Variants in MGLL observed in about 807,000 individuals in gnomAD.
MGLL encodes lysophospholipase homolog.
Under a neutral mutation model 29.1 loss-of-function variants are expected in MGLL, and 7 were observed. That is an observed-to-expected ratio of 0.24 (90% CI 0.14 to 0.45). The LOEUF (loss-of-function observed/expected upper bound fraction) is 0.45, where lower values mean the gene tolerates loss of function less well. Among genes scored for constraint, MGLL ranks in the 20% least tolerant of loss-of-function variants. The pLI is 0.99. For synonymous variants in MGLL, 148 were observed against 168.3 expected, an observed-to-expected ratio of 0.88 and a Z score of 0.93; for missense variants, 356 against 413.6, an observed-to-expected ratio of 0.86 and a Z score of 1.21.
chr3:127,730,566 T>G (rs924350130), intron 3 of MGLL, among the ~76,000 whole-genome samples: 1 of 152,240 alleles, frequency 6.6e-6, no homozygotes, highest in East Asian at 1.9e-4. Flanking sequence ...TAAATGCAGG[T>G]GCAGCTTCCG....
chr3:127,721,219 T>A (rs2075914829), intron 4 of MGLL, 56 bp from the exon 5 acceptor site: 2 of 1,471,628 alleles, frequency 1.4e-6, no homozygotes, highest in Non-Finnish European at 1.9e-6. Context: ...TGCACACATT[T>A]CTAATAAACA....
intron 5 of MGLL, chr3:127,715,667 G>A (rs781607877): frequency 6.6e-6 from 3 of 456,554 alleles, no homozygotes; most frequent in South Asian, 1.5e-5. Context: ...AAAGCAGAAC[G>A]GTTGAGCAGG....
At chr3:127,799,092 T>C (rs2077433689) in intron 2 of MGLL, among the ~76,000 whole-genome samples, 2 of 152,188 alleles carry the variant, frequency 1.3e-5, no homozygotes, top group African/African-American at 4.8e-5. Flanking sequence ...CGAGGACACA[T>C]TCTTAGGACA....
chr3:127,755,003 TG>T (rs1217100920), intron 3 of MGLL, among the ~76,000 whole-genome samples: 1 of 151,056 alleles, frequency 6.6e-6, no homozygotes, highest in Non-Finnish European at 1.5e-5. Context: ...CACGAGATGG[TG>T]GGGGTGTTTT....
At chr3:127,808,512 G>A (rs1032122593) in intron 2 of MGLL, among the ~76,000 whole-genome samples, 2 of 152,184 alleles carry the variant, frequency 1.3e-5, no homozygotes, top group African/African-American at 4.8e-5. Flanking sequence ...CACTGTAGCT[G>A]GGGAGAATGT....
intron 3 of MGLL, among the ~76,000 whole-genome samples, chr3:127,728,178 C>A (rs1009124098): frequency 6.6e-6 from 1 of 152,168 alleles, no homozygotes; most frequent in Admixed American, 6.5e-5. Context: ...AAAATTCATC[C>A]AGTGAAGTCT....
chr3:127,709,461 C>T (rs2075667184), intron 6 of MGLL, among the ~76,000 whole-genome samples: 2 of 152,130 alleles, frequency 1.3e-5, no homozygotes, highest in Non-Finnish European at 2.9e-5. Context: ...AGTCTCTTTC[C>T]TACACACCAC....
At chr3:127,736,035 C>G in intron 3 of MGLL, 7 of 1,374,794 alleles carry the variant, frequency 5.1e-6, no homozygotes, top group Non-Finnish European at 6.6e-6. Flanking sequence ...TTTTTATTTT[C>G]CCTTGAAAAC....
At chr3:127,742,203 C>T (rs1359458121) in intron 3 of MGLL, among the ~76,000 whole-genome samples, 2 of 152,158 alleles carry the variant, frequency 1.3e-5, no homozygotes, top group Admixed American at 6.5e-5. Flanking sequence ...CTTGTCAGCA[C>T]GGGAGTTACC....
chr3:127,822,563 A>G (rs2077882299), upstream of MGLL: 2 of 576,320 alleles, frequency 3.5e-6, no homozygotes, highest in South Asian at 4.3e-5. Context: ...GCGATTCTCC[A>G]CTACTAGTTC....
chr3:127,708,764 C>T (rs1279331355), intron 6 of MGLL, among the ~76,000 whole-genome samples: 1 of 152,182 alleles, frequency 6.6e-6, no homozygotes, highest in African/African-American at 2.4e-5. Flanking sequence ...AAGCTAGAGC[C>T]ATTATGAGGG....
At chr3:127,702,985 G>A (rs956038994) in intron 6 of MGLL, among the ~76,000 whole-genome samples, 3 of 152,150 alleles carry the variant, frequency 2.0e-5, no homozygotes, top group African/African-American at 4.8e-5. Context: ...ATGAGCCACC[G>A]CGTCCATCCA....
chr3:127,734,762 A>AT (rs2076215153), intron 3 of MGLL, among the ~76,000 whole-genome samples: 1 of 152,162 alleles, frequency 6.6e-6, no homozygotes, highest in Non-Finnish European at 1.5e-5. Flanking sequence ...TTCTCTCTGG[A>AT]TTTTCCTGGT....
intron 5 of MGLL, chr3:127,711,661 C>G (rs1345281583): frequency 6.6e-6 from 1 of 151,778 alleles, no homozygotes; most frequent in African/African-American, 2.4e-5. Context: ...GTACCCTTGG[C>G]AGAGGGCAAG....
In MGLL at chr3:127,818,229, T is replaced by G. The variant is rs2077792817; in HGVS notation, c.155+3465A>C. On this transcript the variant is annotated intron_variant, in intron 2 of 7. Transcript: ENST00000265052. ...CCACCCGCCTCAGCCTCCCGATGTGTTGGGATTATAGGCGTGAGCCACTGC... is the reference window on the plus strand; with the variant it reads ...CCACCCGCCTCAGCCTCCCGATGTGGTGGGATTATAGGCGTGAGCCACTGC... Among the ~76,000 whole-genome samples, 3 of 152,324 alleles carry G rather than the reference T, an allele frequency of 2.0e-5. No individual in the cohort carries two copies. In the South Asian group the frequency reaches 6.2e-4, roughly 32 times the overall value.
chr3:127,775,580 C>A (rs1190589277), intron 3 of MGLL, among the ~76,000 whole-genome samples: 1 of 151,990 alleles, frequency 6.6e-6, no homozygotes, highest in Non-Finnish European at 1.5e-5. Context: ...CATGCCCCAG[C>A]TGAGTTAAAA....
chr3:127,809,182 C>T (rs569044710), intron 2 of MGLL, among the ~76,000 whole-genome samples: 68 of 152,300 alleles, frequency 4.5e-4, no homozygotes, highest in African/African-American at 1.5e-3. Context: ...AGAGATCAAT[C>T]TTCTCATCTT....
chr3:127,804,282 G>A (rs1045600459), intron 2 of MGLL, among the ~76,000 whole-genome samples: 40 of 152,232 alleles, frequency 2.6e-4, no homozygotes, highest in African/African-American at 9.4e-4. Context: ...TGTCGCCCAG[G>A]AGGCCGGCAG....
chr3:127,785,718 G>A (rs927367008), intron 2 of MGLL, among the ~76,000 whole-genome samples: 12 of 152,370 alleles, frequency 7.9e-5, no homozygotes, highest in African/African-American at 2.6e-4. Context: ...TTCTTCAGCC[G>A]AGTCTGCAAA....
Sources: gnomAD v4.1 joint callset for allele counts (sites outside exome capture counted in the v4.1 genomes callset) on GRCh38, gnomAD v4.1.1 for gene constraint, MANE v1.5 for transcripts, NCBI Gene and HGNC (gene_info 2026-07-23, HGNC 2026-07-21) for gene names.